Variants in XRCC4 observed in about 807,000 individuals in gnomAD.
The protein encoded by XRCC4 is X-ray repair cross complementing 4.
A neutral mutation model predicts 39.1 loss-of-function variants in XRCC4; 28 were observed. That is an observed-to-expected ratio of 0.72 (90% CI 0.53 to 0.98). The LOEUF (loss-of-function observed/expected upper bound fraction) is 0.98, where lower values mean the gene tolerates loss of function less well. Among genes scored for constraint, XRCC4 ranks in the 50% least tolerant of loss-of-function variants. The pLI is 0.00. For missense variants in XRCC4, 350 were observed against 376.4 expected (o/e 0.93, Z 0.58); for synonymous variants, 123 against 126.4 (o/e 0.97, Z 0.18).
At chr5:83,170,658 A>T (rs1749679982) in intron 3 of XRCC4, among the ~76,000 whole-genome samples, 1 of 152,168 alleles carries the variant, frequency 6.6e-6, no homozygotes, top group African/African-American at 2.4e-5. Flanking sequence ...TTCAAGTCTA[A>T]TTCCCACTCC....
In XRCC4 at chr5:83,268,651, T is replaced by A. The variant is rs193269419; in HGVS notation, c.893+9974T>A. 2.6e-5 allele frequency among the ~76,000 whole-genome samples: 4 copies of A among 152,270 alleles called. No individual in the cohort carries two copies. The East Asian group carries it at 7.7e-4, about 29-fold the overall frequency. On this transcript the variant is annotated intron_variant, in intron 7 of 7. Transcript: ENST00000396027. ...TATTTCCTCTGGACATGTGTTTTGA[T>A]TGTGATCTGAAGGCATGGGGTTTCT...
At chr5:83,178,093 A>G (rs1219806063) in intron 3 of XRCC4, among the ~76,000 whole-genome samples, 1 of 152,142 alleles carries the variant, frequency 6.6e-6, no homozygotes, top group African/African-American at 2.4e-5. Flanking sequence ...GGAGATAAGA[A>G]GGAAAAGCAA....
intron 3 of XRCC4, among the ~76,000 whole-genome samples, chr5:83,126,787 A>G (rs1390092684): frequency 1.3e-5 from 2 of 152,214 alleles, no homozygotes; most frequent in African/African-American, 4.8e-5. Flanking sequence ...CCATGGGGGC[A>G]GGAATGTCCA....
At chr5:83,129,813 A>T (rs1484277475) in intron 3 of XRCC4, among the ~76,000 whole-genome samples, 1 of 152,108 alleles carries the variant, frequency 6.6e-6, no homozygotes, top group African/African-American at 2.4e-5. Context: ...TTGTACATTG[A>T]TTTTGTATCC....
intron 3 of XRCC4, among the ~76,000 whole-genome samples, chr5:83,132,393 C>T (rs896295275): frequency 2.0e-5 from 3 of 152,104 alleles, no homozygotes; most frequent in South Asian, 2.1e-4. Flanking sequence ...ATCTTTGTGA[C>T]GTTGTCTGTA....
chr5:83,334,493 C>A (rs1756531057), intron 7 of XRCC4, among the ~76,000 whole-genome samples: 1 of 151,832 alleles, frequency 6.6e-6, no homozygotes, highest in African/African-American at 2.4e-5. Flanking sequence ...TAAGGTACCT[C>A]AATGTAACGG....
intron 3 of XRCC4, among the ~76,000 whole-genome samples, chr5:83,191,505 C>G (rs1420738418): frequency 3.3e-5 from 5 of 152,084 alleles, no homozygotes; most frequent in Non-Finnish European, 7.4e-5. Context: ...GAGTTCGAGA[C>G]CAGCCTGACC....
chr5:83,359,803 G>T, the XRCC4 span, among the ~76,000 whole-genome samples: 2 of 152,100 alleles, frequency 1.3e-5, no homozygotes, highest in East Asian at 3.9e-4. Flanking sequence ...ATCAATACTG[G>T]TAGAGACAAT....
intron 7 of XRCC4, among the ~76,000 whole-genome samples, chr5:83,343,471 C>T (rs1227856711): frequency 6.6e-6 from 1 of 152,078 alleles, no homozygotes. Flanking sequence ...TTCTCAACTC[C>T]AGATAATTTA....
chr5:83,320,123 C>T (rs1347924055), intron 7 of XRCC4, among the ~76,000 whole-genome samples: 13 of 139,474 alleles, frequency 9.3e-5, no homozygotes, highest in African/African-American at 1.1e-4. Flanking sequence ...AACCAAACAC[C>T]GCATATTCTC....
At chr5:83,212,590 AG>A (rs1751689849) in intron 6 of XRCC4, among the ~76,000 whole-genome samples, 1 of 152,158 alleles carries the variant, frequency 6.6e-6, no homozygotes. Context: ...GAAAACCATT[AG>A]TCTAAACATC....
intron 6 of XRCC4, among the ~76,000 whole-genome samples, chr5:83,245,154 T>C (rs962584692): frequency 2.0e-5 from 3 of 152,122 alleles, no homozygotes; most frequent in Admixed American, 6.6e-5. Flanking sequence ...TTCTTAGCTT[T>C]TGATGTCCTC....
the XRCC4 span, among the ~76,000 whole-genome samples, chr5:83,371,449 A>G: frequency 6.6e-6 from 1 of 152,188 alleles, no homozygotes; most frequent in African/African-American, 2.4e-5. Flanking sequence ...GAATACATGA[A>G]TAAATTGAAT....
At chr5:83,209,977 A>C (rs1412031371) in intron 6 of XRCC4, among the ~76,000 whole-genome samples, 2 of 152,196 alleles carry the variant, frequency 1.3e-5, no homozygotes, top group Non-Finnish European at 2.9e-5. Flanking sequence ...AACTGCTATC[A>C]GTAATTTAGG....
intron 6 of XRCC4, among the ~76,000 whole-genome samples, chr5:83,242,305 TTC>T (rs1207378960): frequency 1.3e-5 from 2 of 152,116 alleles, no homozygotes; most frequent in Admixed American, 6.5e-5. Context: ...TGGATATTTA[TTC>T]TGTTTCTCAC....
chr5:83,262,823 C>G (rs1354845698), intron 7 of XRCC4, among the ~76,000 whole-genome samples: 1 of 145,170 alleles, frequency 6.9e-6, no homozygotes, highest in Non-Finnish European at 1.5e-5. Flanking sequence ...TAGGACTACA[C>G]AATCTTATCA....
At chr5:83,262,391 T>C (rs951981397) in intron 7 of XRCC4, among the ~76,000 whole-genome samples, 1 of 152,130 alleles carries the variant, frequency 6.6e-6, no homozygotes, top group Non-Finnish European at 1.5e-5. Context: ...TGTTCCAGAT[T>C]TGTGAGTGCA....
intron 7 of XRCC4, among the ~76,000 whole-genome samples, chr5:83,330,447 A>G (rs980137124): frequency 2.6e-5 from 4 of 152,050 alleles, no homozygotes; most frequent in Non-Finnish European, 5.9e-5. Flanking sequence ...AACACTAGCT[A>G]CAGTGATTCC....
chr5:83,244,589 G>A (rs1038456291), intron 6 of XRCC4, among the ~76,000 whole-genome samples: 1 of 151,974 alleles, frequency 6.6e-6, no homozygotes, highest in South Asian at 2.1e-4. Context: ...TTTGGGGCTC[G>A]TTTTTTGTGT....
Sources: allele counts gnomAD v4.1 joint callset (sites outside exome capture counted in the v4.1 genomes callset), GRCh38; gene constraint gnomAD v4.1.1; transcripts MANE v1.5; gene names NCBI Gene and HGNC (gene_info 2026-07-23, HGNC 2026-07-21).